Variants in ERMP1 observed in about 807,000 individuals in gnomAD.
ERMP1 encodes endoplasmic reticulum metallopeptidase 1, also known as Felix-ina.
A neutral mutation model predicts 92.0 loss-of-function variants in ERMP1; 86 were observed. The observed-to-expected ratio is 0.93, with a 90% CI of 0.79 to 1.12. ERMP1 has a LOEUF of 1.12. ERMP1 is among the 50% of genes most tolerant of loss of function. The pLI is 0.00. For missense variants in ERMP1, 1,342 were observed against 1,116.3 expected, an observed-to-expected ratio of 1.20 and a Z score of -2.88; for synonymous variants, 530 against 412.8, an observed-to-expected ratio of 1.28 and a Z score of -3.44.
upstream of ERMP1, among the ~76,000 whole-genome samples, chr9:5,835,676 C>CA (rs1427421792): frequency 6.6e-6 from 1 of 152,172 alleles, no homozygotes; most frequent in Non-Finnish European, 1.5e-5. Context: ...GGAGCCAGTG[C>CA]AAGGAAGGCC....
At chr9:5,788,369 T>G (rs1828027962) in intron 13 of ERMP1, among the ~76,000 whole-genome samples, 2 of 152,144 alleles carry the variant, frequency 1.3e-5, no homozygotes, top group African/African-American at 4.8e-5. Context: ...CTTAAAAGTA[T>G]ATTATTGAAG....
At chr9:5,858,798 G>C (rs1479789180) in intron 6 of ERMP1, among the ~76,000 whole-genome samples, 1 of 152,178 alleles carries the variant, frequency 6.6e-6, no homozygotes, top group African/African-American at 2.4e-5. Context: ...ACGTCAAGTA[G>C]TCATGCTCCA....
At chr9:5,802,281 T>C (rs1056495733) in intron 10 of ERMP1, among the ~76,000 whole-genome samples, 3 of 152,192 alleles carry the variant, frequency 2.0e-5, no homozygotes, top group African/African-American at 4.8e-5. Flanking sequence ...GGATGGAATA[T>C]TGGTATACTA....
intron 5 of ERMP1, among the ~76,000 whole-genome samples, chr9:5,861,740 T>C (rs2129783449): frequency 6.7e-6 from 1 of 148,726 alleles, no homozygotes; most frequent in African/African-American, 2.5e-5. Context: ...TTTTTTTTTT[T>C]TGGTCTGCCC....
intron 4 of ERMP1, among the ~76,000 whole-genome samples, chr9:5,813,257 CA>C (rs1428169194): frequency 3.9e-5 from 6 of 151,982 alleles, no homozygotes; most frequent in Non-Finnish European, 7.4e-5. Flanking sequence ...AAAATAACAG[CA>C]ATACAAAAGT....
At position 5,798,811 on chromosome 9, in the gene ERMP1, C is replaced by G. The variant is rs139516458; in HGVS notation, c.2265G>C (p.Leu755=). The G allele has an allele frequency of 3.1e-6, 5 of 1,611,318 alleles. No individual in the cohort carries two copies. In the African/African-American group the frequency reaches 4.0e-5, roughly 13 times the overall value. The change falls in exon 12 of 15, where the codon CTG becomes CTC. Residue 755 remains leucine (L), a synonymous_variant. Transcript: ENST00000339450. ...GFPWYLPVHF[L]IRKNWYLPAP... is the part of the protein sequence containing the mutation. Reference sequence around the variant, plus strand: ...CAGAAAAATAATGAACCAACCTGATCAGAAAGTGCACTGGAAGATACCAAG... The same window carrying G: ...CAGAAAAATAATGAACCAACCTGATGAGAAAGTGCACTGGAAGATACCAAG...
intron 6 of ERMP1, among the ~76,000 whole-genome samples, chr9:5,842,379 G>A (rs1298294885): frequency 3.4e-5 from 5 of 148,958 alleles, no homozygotes; most frequent in East Asian, 2.0e-4. Flanking sequence ...AAGCCCAACC[G>A]GCTTCACCTC....
upstream of ERMP1, among the ~76,000 whole-genome samples, chr9:5,838,035 C>T (rs575669406): frequency 6.6e-6 from 1 of 152,188 alleles, no homozygotes. Flanking sequence ...TGGGCCAGGA[C>T]TTGCAGTGAG....
At chr9:5,817,076 T>C (rs1283901157) in intron 4 of ERMP1, among the ~76,000 whole-genome samples, 2 of 150,924 alleles carry the variant, frequency 1.3e-5, no homozygotes, top group Non-Finnish European at 3.0e-5. Flanking sequence ...TTTTTTGTAT[T>C]TTTAGTAGAG....
intron 13 of ERMP1, among the ~76,000 whole-genome samples, chr9:5,797,401 G>A (rs547186607): frequency 6.6e-6 from 1 of 152,052 alleles, no homozygotes; most frequent in Admixed American, 6.5e-5. Context: ...TGTAATCCCA[G>A]CACTTTGGGA....
chr9:5,852,358 C>T (rs977299463), intron 6 of ERMP1, among the ~76,000 whole-genome samples: 10 of 151,644 alleles, frequency 6.6e-5, no homozygotes, highest in South Asian at 2.1e-4. Flanking sequence ...GACCTTCCCA[C>T]GCTCAGGTGA....
At chr9:5,863,328 G>A (rs529292795) in intron 5 of ERMP1, among the ~76,000 whole-genome samples, 9 of 152,160 alleles carry the variant, frequency 5.9e-5, no homozygotes, top group Admixed American at 1.3e-4. Context: ...CAGAACCTGG[G>A]ATTTGGCATA....
At chr9:5,863,342 C>T (rs1830557817) in intron 5 of ERMP1, among the ~76,000 whole-genome samples, 1 of 152,190 alleles carries the variant, frequency 6.6e-6, no homozygotes. Flanking sequence ...TGGCATATCC[C>T]AAGGACTCCC....
chr9:5,839,421 T>A (rs1185245728), intron 6 of ERMP1, among the ~76,000 whole-genome samples: 1 of 152,232 alleles, frequency 6.6e-6, no homozygotes, highest in Non-Finnish European at 1.5e-5. Context: ...CCCAGGGCTC[T>A]GTTTGACTTT....
chr9:5,826,405 G>A (rs1385871361), intron 2 of ERMP1, among the ~76,000 whole-genome samples: 1 of 152,176 alleles, frequency 6.6e-6, no homozygotes, highest in East Asian at 1.9e-4. Flanking sequence ...GGTTGAAAGA[G>A]CAAGCTAATG....
intron 6 of ERMP1, among the ~76,000 whole-genome samples, chr9:5,855,106 A>G (rs1830356888): frequency 1.3e-5 from 2 of 152,232 alleles, no homozygotes; most frequent in Non-Finnish European, 2.9e-5. Context: ...TGAGAGAGAT[A>G]AAAGCAGTAA....
chr9:5,814,102 G>T (rs546261441), intron 4 of ERMP1, among the ~76,000 whole-genome samples: 11 of 151,984 alleles, frequency 7.2e-5, no homozygotes, highest in Non-Finnish European at 1.3e-4. Flanking sequence ...CCTCAACTGG[G>T]CAGAGTTTTC....
In ERMP1 at chr9:5,805,724, C is replaced by A. The variant is rs1828846081; in HGVS notation, c.1610G>T (p.Cys537Phe). The A allele has an allele frequency of 1.2e-6, 2 of 1,612,902 alleles. No individual in the cohort carries two copies. The highest frequency in any genetic ancestry group is 1.7e-6 in the Non-Finnish European group (2 of 1,179,570). ...FFDISLFVHC[C>F]FLVTLTYQGL... ...TTGGTAAGTGAGGGTAACAAGAAAA[C>A]AGCAATGGACAAACAGCGAAATGTC... The change falls in exon 9 of 15, where the codon TGT (cysteine) becomes TTT (phenylalanine). Residue 537 changes from cysteine to phenylalanine, a missense_variant. Coordinates refer to ENST00000339450, the MANE Select transcript of ERMP1 (RefSeq NM_024896.3).
At chr9:5,823,032 C>A (rs2129641854) in intron 4 of ERMP1, among the ~76,000 whole-genome samples, 1 of 152,290 alleles carries the variant, frequency 6.6e-6, no homozygotes, top group East Asian at 1.9e-4. Context: ...TGCTTGTAAT[C>A]CCAGCACTTT....
Sources: gnomAD v4.1 joint callset for allele counts (sites outside exome capture counted in the v4.1 genomes callset) on GRCh38, gnomAD v4.1.1 for gene constraint, MANE v1.5 for transcripts, NCBI Gene and HGNC (gene_info 2026-07-23, HGNC 2026-07-21) for gene names.